PLA2G6: variants seen among roughly 807,000 people sequenced by gnomAD.
PLA2G6 encodes phospholipase A2 group VI.
PLA2G6 carries 62 observed loss-of-function variants against 83.8 expected under a neutral mutation model. The ratio of observed to expected loss-of-function variants is 0.74; its 90% CI spans 0.60 to 0.91. The LOEUF is 0.91. Among genes scored for constraint, PLA2G6 ranks in the 40% least tolerant of loss-of-function variants. The probability of loss-of-function intolerance (pLI) is 0.00; values close to 1 mark genes in which losing one functional copy is unlikely to be tolerated. For synonymous variants in PLA2G6, 417 were observed against 449.8 expected, an observed-to-expected ratio of 0.93 and a Z score of 0.92; for missense variants, 944 against 1,102.0, an observed-to-expected ratio of 0.86 and a Z score of 2.03.
chr22:38,178,343 G>A (rs537093294), intron 1 of PLA2G6, among the ~76,000 whole-genome samples: 122 of 152,276 alleles, frequency 8.0e-4, no homozygotes, highest in African/African-American at 2.9e-3. Flanking sequence ...GGCCAAGGAA[G>A]GAGGATCACT....
intron 15 of PLA2G6, 97 bp from the exon 16 acceptor site, chr22:38,112,674 G>T (rs770768147): frequency 9.4e-6 from 10 of 1,058,946 alleles, no homozygotes; most frequent in Admixed American, 4.0e-5. Flanking sequence ...CCAGCCTGGG[G>T]AGCCCCAGGC....
intron 4 of PLA2G6, chr22:38,141,831 C>T (rs933518333): frequency 1.3e-5 from 2 of 152,030 alleles, no homozygotes; most frequent in Non-Finnish European, 2.9e-5. Context: ...AGAGGATTCT[C>T]GGTGAAAGTG....
At chr22:38,116,366 C>A (rs1177774357) in intron 12 of PLA2G6, 155 bp from the exon 13 acceptor site, 1 of 826,978 alleles carries the variant, frequency 1.2e-6, no homozygotes, top group Admixed American at 2.0e-5. Flanking sequence ...CCCCGCAAAA[C>A]AGGCTCTCTC....
intron 14 of PLA2G6, among the ~76,000 whole-genome samples, chr22:38,114,444 C>T (rs2145676415): frequency 6.6e-6 from 1 of 152,338 alleles, no homozygotes; most frequent in Middle Eastern, 3.4e-3. Flanking sequence ...CTCGGCCTCC[C>T]AAAGTGCTGG....
intron 6 of PLA2G6, chr22:38,133,666 C>T (rs1046015521): frequency 6.5e-6 from 1 of 153,668 alleles, no homozygotes; most frequent in African/African-American, 2.4e-5. Flanking sequence ...GCCCTCCCTC[C>T]TGGCCCATCA....
intron 2 of PLA2G6, chr22:38,145,976 G>T (rs575687926): frequency 4.7e-4 from 174 of 366,426 alleles, no homozygotes; most frequent in Non-Finnish European, 8.2e-4. Flanking sequence ...TGGGCTGAAG[G>T]GATCCTCCTA....
intron 2 of PLA2G6, chr22:38,148,503 G>A (rs1306656476): frequency 4.2e-6 from 3 of 716,952 alleles, no homozygotes; most frequent in Non-Finnish European, 7.8e-6. Context: ...CAGGCTGGAA[G>A]GAATGATGGA....
chr22:38,124,030 T>G (rs1409005206), intron 10 of PLA2G6, among the ~76,000 whole-genome samples: 1 of 151,996 alleles, frequency 6.6e-6, no homozygotes, highest in Admixed American at 6.6e-5. Context: ...AGACGGGGTT[T>G]CTCCATGTTG....
intron 1 of PLA2G6, among the ~76,000 whole-genome samples, chr22:38,175,758 A>C (rs551072980): frequency 6.6e-6 from 1 of 152,260 alleles, no homozygotes; most frequent in South Asian, 2.1e-4. Flanking sequence ...CCACAGGAAC[A>C]CACACCATGT....
At chr22:38,118,753 GTTTT>G (rs10709435) in intron 12 of PLA2G6, among the ~76,000 whole-genome samples, 1 of 138,664 alleles carries the variant, frequency 7.2e-6, no homozygotes, top group Non-Finnish European at 1.6e-5. Flanking sequence ...GTTTGTTTTT[GTTTT>G]TTTTTTTTTG....
At position 38,128,736 on chromosome 22, in the gene PLA2G6, C is replaced by T. The variant is rs1019033577; in HGVS notation, c.1187-306G>A. On this transcript the variant is annotated intron_variant, in intron 8 of 16. Coordinates refer to ENST00000332509, the MANE Select transcript of PLA2G6 (RefSeq NM_003560.4). This position sits in a 1 kb window ranked among gnomAD's most constrained non-coding sequence, Gnocchi z 4.4. ...AGCCAAGAAAGCAGGAATCCCATGG[C>T]CACATTCAGTGATTCTCAAAAATGC... Among the ~76,000 whole-genome samples the T allele has an allele frequency of 7.2e-5, 11 of 152,234 alleles. No homozygotes were observed. The highest frequency in any genetic ancestry group is 2.4e-4 in the African/African-American group (10 of 41,458).
At chr22:38,166,418 A>G (rs6001035) in intron 2 of PLA2G6, among the ~76,000 whole-genome samples, 59,255 of 152,024 alleles carry the variant, frequency 0.39, 11,810 homozygotes, top group South Asian at 0.49. Flanking sequence ...AAATAAATAA[A>G]TCAATAAAAT....
chr22:38,133,489 C>A (rs75808490), intron 6 of PLA2G6: 2 of 189,544 alleles, frequency 1.1e-5, no homozygotes, highest in Non-Finnish European at 1.1e-5. Flanking sequence ...CAGCTGCCTG[C>A]GCTTGGATGG....
chr22:38,166,094 A>C (rs928775396), intron 2 of PLA2G6, among the ~76,000 whole-genome samples: 13 of 152,170 alleles, frequency 8.5e-5, no homozygotes, highest in African/African-American at 2.4e-4. Flanking sequence ...CGGAGGGAGA[A>C]AGAACCTCTG....
chr22:38,157,322 T>C (rs1773194910), intron 2 of PLA2G6, among the ~76,000 whole-genome samples: 1 of 152,160 alleles, frequency 6.6e-6, no homozygotes, highest in African/African-American at 2.4e-5. Flanking sequence ...GAGGTTACTG[T>C]GAACAATTAT....
intron 1 of PLA2G6, among the ~76,000 whole-genome samples, chr22:38,172,899 A>C (rs2090491825): frequency 6.6e-6 from 1 of 152,256 alleles, no homozygotes; most frequent in African/African-American, 2.4e-5. Context: ...GCATGGCCAC[A>C]GAAACGACAG....
At chr22:38,137,122 ACAGCGTTAGTGTT>A (rs1165574462) in intron 5 of PLA2G6, 1 of 152,254 alleles carries the variant, frequency 6.6e-6, no homozygotes, top group African/African-American at 2.4e-5. Flanking sequence ...GGTGGCTGGG[ACAGCGTTAGTGTT>A]CAGCTGCTGT....
In PLA2G6 at chr22:38,153,385, G is replaced by A. The variant is rs527572449; in HGVS notation, c.210-7732C>T. Among the ~76,000 whole-genome samples the A allele has an allele frequency of 1.9e-3, 296 of 152,310 alleles. 3 individuals are homozygous for A. The highest frequency in any genetic ancestry group is 6.9e-3 in the African/African-American group (285 of 41,560). On this transcript the variant is annotated intron_variant, in intron 2 of 16. Transcript: ENST00000332509. ...GAGGAGTGCCTCTCCTGGCCGCCGT[G>A]CAACCTTCCAAGTGTGAAGCGACAG...
intron 2 of PLA2G6, among the ~76,000 whole-genome samples, chr22:38,157,890 G>A (rs2089850534): frequency 6.6e-6 from 1 of 151,822 alleles, no homozygotes; most frequent in South Asian, 2.1e-4. Flanking sequence ...TAAAAAACTA[G>A]CTGGGTGTGG....
Sources: allele counts gnomAD v4.1 joint callset (sites outside exome capture counted in the v4.1 genomes callset), GRCh38; gene constraint gnomAD v4.1.1; non-coding constraint Gnocchi (gnomAD v3.1); transcripts MANE v1.5; gene names NCBI Gene and HGNC (gene_info 2026-07-23, HGNC 2026-07-21).